Variants in NCAM2 observed in about 807,000 individuals in gnomAD.
The protein encoded by NCAM2 is N-CAM-2.
In NCAM2, 30 loss-of-function variants were observed where a neutral mutation model predicts 98.1. The observed-to-expected ratio is 0.31, with a 90% CI of 0.23 to 0.41. The LOEUF (loss-of-function observed/expected upper bound fraction) is 0.41, where lower values mean the gene tolerates loss of function less well. Among genes scored for constraint, NCAM2 ranks in the 10% least tolerant of loss-of-function variants. The pLI, the probability that NCAM2 is intolerant of heterozygous loss-of-function variation, is 1.00. For synonymous variants in NCAM2, 368 were observed against 342.4 expected, an observed-to-expected ratio of 1.07 and a Z score of -0.83; for missense variants, 867 against 1,005.8, an observed-to-expected ratio of 0.86 and a Z score of 1.87.
chr21:21,447,111 A>G (rs1980288043), intron 12 of NCAM2, among the ~76,000 whole-genome samples: 1 of 152,144 alleles, frequency 6.6e-6, no homozygotes, highest in Admixed American at 6.6e-5. Flanking sequence ...CTAAGCAAAA[A>G]GAACAAAGCT....
chr21:21,241,160 A>G (rs1308999883), intron 1 of NCAM2, among the ~76,000 whole-genome samples: 1 of 152,270 alleles, frequency 6.6e-6, no homozygotes, highest in East Asian at 1.9e-4. Context: ...AAACACTTTC[A>G]ATTAAAAACA....
chr21:21,218,990 C>T (rs1295625547), intron 1 of NCAM2, among the ~76,000 whole-genome samples: 59 of 152,222 alleles, frequency 3.9e-4, no homozygotes, highest in Non-Finnish European at 5.9e-5. Flanking sequence ...TTGCAGTGAG[C>T]TGAAATCGTG....
chr21:21,198,508 T>C (rs2069094216), intron 1 of NCAM2, among the ~76,000 whole-genome samples: 1 of 152,148 alleles, frequency 6.6e-6, no homozygotes, highest in African/African-American at 2.4e-5. Context: ...GCTTTAGAAG[T>C]TGAATGGAAA....
At chr21:21,416,996 C>A (rs184056316) in intron 10 of NCAM2, among the ~76,000 whole-genome samples, 2 of 152,106 alleles carry the variant, frequency 1.3e-5, no homozygotes, top group Admixed American at 6.5e-5. Flanking sequence ...GAACTTTTAT[C>A]TGTTGATAGC....
At chr21:21,173,375 C>A (rs2068182256) in intron 1 of NCAM2, among the ~76,000 whole-genome samples, 1 of 152,146 alleles carries the variant, frequency 6.6e-6, no homozygotes, top group African/African-American at 2.4e-5. Context: ...TGCTTAGAGG[C>A]ACATTAATAG....
intron 17 of NCAM2, among the ~76,000 whole-genome samples, chr21:21,536,422 G>A (rs182677773): frequency 4.9e-5 from 7 of 144,018 alleles, no homozygotes; most frequent in African/African-American, 5.2e-5. Context: ...GACTAGTTTC[G>A]CTCTTGTTGC....
At chr21:21,060,379 T>G (rs1483003538) in intron 1 of NCAM2, among the ~76,000 whole-genome samples, 1 of 152,162 alleles carries the variant, frequency 6.6e-6, no homozygotes, top group African/African-American at 2.4e-5. Flanking sequence ...GTGTATTTTT[T>G]AGTCTAAATC....
intron 1 of NCAM2, among the ~76,000 whole-genome samples, chr21:21,117,354 A>G (rs1429278224): frequency 1.3e-5 from 2 of 152,318 alleles, no homozygotes; most frequent in Middle Eastern, 3.4e-3. Context: ...TCCTAGAGAA[A>G]TGAAAATAAA....
intron 1 of NCAM2, among the ~76,000 whole-genome samples, chr21:21,013,934 AG>A (rs2064257851): frequency 6.6e-6 from 1 of 152,224 alleles, no homozygotes; most frequent in Non-Finnish European, 1.5e-5. Flanking sequence ...TAGTTGATGA[AG>A]GCAGGACTAC....
chr21:21,105,637 TAATG>T (rs1471104593), intron 1 of NCAM2, among the ~76,000 whole-genome samples: 4 of 152,126 alleles, frequency 2.6e-5, no homozygotes, highest in Non-Finnish European at 4.4e-5. Flanking sequence ...ACATTAATAA[TAATG>T]GCATATTTTT....
intron 1 of NCAM2, among the ~76,000 whole-genome samples, chr21:21,272,115 G>A (rs2072524622): frequency 6.6e-6 from 1 of 152,162 alleles, no homozygotes; most frequent in Non-Finnish European, 1.5e-5. Context: ...AAATGATAAA[G>A]TGTGAAGGAG....
intron 1 of NCAM2, among the ~76,000 whole-genome samples, chr21:21,075,973 C>T (rs755778506): frequency 1.3e-4 from 20 of 151,824 alleles, no homozygotes; most frequent in South Asian, 6.2e-4. Flanking sequence ...AAAAATTAGC[C>T]AGGCATGGTG....
At chr21:21,113,133 T>A (rs558580981) in intron 1 of NCAM2, among the ~76,000 whole-genome samples, 1 of 152,188 alleles carries the variant, frequency 6.6e-6, no homozygotes. Context: ...CTTTCGGGGT[T>A]CTGTGAGGTT....
intron 1 of NCAM2, among the ~76,000 whole-genome samples, chr21:21,265,507 G>C (rs184561201): frequency 6.8e-4 from 95 of 140,644 alleles, no homozygotes; most frequent in Non-Finnish European, 1.8e-4. Context: ...ATATATGTGT[G>C]TATATATACA....
At chr21:21,137,713 G>A (rs1019223777) in intron 1 of NCAM2, among the ~76,000 whole-genome samples, 2 of 152,260 alleles carry the variant, frequency 1.3e-5, no homozygotes, top group Non-Finnish European at 2.9e-5. Context: ...AGCCGAGATC[G>A]TGCCATTGCA....
At chr21:21,234,678 G>A (rs1003370915) in intron 1 of NCAM2, among the ~76,000 whole-genome samples, 3 of 151,664 alleles carry the variant, frequency 2.0e-5, no homozygotes, top group Non-Finnish European at 2.9e-5. Flanking sequence ...TTGTTTTCCC[G>A]GCATTAATGA....
At chr21:21,389,398 A>G (rs1449214025) in intron 9 of NCAM2, among the ~76,000 whole-genome samples, 1 of 152,250 alleles carries the variant, frequency 6.6e-6, no homozygotes, top group Non-Finnish European at 1.5e-5. Flanking sequence ...GCTACAATTC[A>G]AGATGAGATT....
At chr21:21,004,024 G>A (rs1479503758) in intron 1 of NCAM2, among the ~76,000 whole-genome samples, 1 of 152,094 alleles carries the variant, frequency 6.6e-6, no homozygotes, top group Non-Finnish European at 1.5e-5. Context: ...AACACCAAGA[G>A]GCTTAGGATG....
intron 12 of NCAM2, among the ~76,000 whole-genome samples, chr21:21,435,849 GT>G (rs1377466495): frequency 1.3e-5 from 2 of 152,068 alleles, no homozygotes; most frequent in East Asian, 3.9e-4. Flanking sequence ...ATAAAATCAT[GT>G]TTTGGGGAAA....
Sources: allele counts gnomAD v4.1 joint callset (sites outside exome capture counted in the v4.1 genomes callset), GRCh38; gene constraint gnomAD v4.1.1; transcripts MANE v1.5; gene names NCBI Gene and HGNC (gene_info 2026-07-23, HGNC 2026-07-21).